Variants in NUP155 observed in about 807,000 individuals in gnomAD.
NUP155 encodes nuclear pore complex protein Nup155.
NUP155 carries 71 observed loss-of-function variants against 180.4 expected under a neutral mutation model. The observed-to-expected ratio is 0.39, with a 90% CI of 0.33 to 0.48. The LOEUF is 0.48. Among genes scored for constraint, NUP155 ranks in the 20% least tolerant of loss-of-function variants. The pLI is 0.91. For synonymous variants in NUP155, 582 were observed against 559.5 expected, an observed-to-expected ratio of 1.04 and a Z score of -0.57; for missense variants, 1,553 against 1,648.9, an observed-to-expected ratio of 0.94 and a Z score of 1.01.
chr5:37,356,780 T>C (rs1260090396), intron 4 of NUP155, among the ~76,000 whole-genome samples: 1 of 152,134 alleles, frequency 6.6e-6, no homozygotes, highest in Non-Finnish European at 1.5e-5. Flanking sequence ...GTTTCTAAGA[T>C]TTACTCTAAA....
At chr5:37,346,856 T>C (rs1414255212) in intron 9 of NUP155, among the ~76,000 whole-genome samples, 1 of 152,216 alleles carries the variant, frequency 6.6e-6, no homozygotes, top group African/African-American at 2.4e-5. Context: ...AAATGGGTAC[T>C]ACAACTTTGA....
At chr5:37,316,761 A>G (rs1388295529) in intron 21 of NUP155, among the ~76,000 whole-genome samples, 2 of 151,484 alleles carry the variant, frequency 1.3e-5, no homozygotes, top group Admixed American at 6.6e-5. Context: ...CACTGCGCCC[A>G]GCCCAGAGTG....
chr5:37,307,197 CAAA>C (rs34995492), intron 25 of NUP155, 97 bp downstream of exon 25: 861 of 937,902 alleles, frequency 9.2e-4, no homozygotes, highest in Non-Finnish European at 1.0e-3. Context: ...GACTCTGTCT[CAAA>C]AAAAAAAAAA....
At chr5:37,312,759 G>A (rs1350513853) in intron 22 of NUP155, among the ~76,000 whole-genome samples, 1 of 152,174 alleles carries the variant, frequency 6.6e-6, no homozygotes, top group Admixed American at 6.5e-5. Flanking sequence ...AGTCCAGAGA[G>A]GTCAAGGGTG....
chr5:37,354,072 C>T (rs1746647363), intron 4 of NUP155, among the ~76,000 whole-genome samples: 2 of 152,266 alleles, frequency 1.3e-5, no homozygotes, highest in South Asian at 4.1e-4. Context: ...AAGATTACAA[C>T]CTTGATAATA....
Position 37,292,030 on chromosome 5 carries a change from A to C in NUP155, c.4046T>G (p.Phe1349Cys), listed in dbSNP as rs749708102. ...AACAGCATCCAGGCAGAGATTTGTAAATCTTCTCCTACAACGAAAAAGACA... is the reference window on the plus strand; with the variant it reads ...AACAGCATCCAGGCAGAGATTTGTACATCTTCTCCTACAACGAAAAAGACA... ...SQVLNCERRR[F>C]TNLCLDAVCG... The change falls in exon 35 of 35, where the codon TTT (phenylalanine) becomes TGT (cysteine). Residue 1349 changes from phenylalanine (F) to cysteine (C), a missense_variant. Coordinates refer to ENST00000231498, the MANE Select transcript of NUP155 (RefSeq NM_153485.3). 14 of 1,614,016 alleles carry C rather than the reference A, an allele frequency of 8.7e-6. No individual in the cohort carries two copies. The Admixed American group carries it at 2.3e-4, about 27-fold the overall frequency.
intron 29 of NUP155, 137 bp from the exon 30 acceptor site, chr5:37,301,687 T>C (rs1051985544): frequency 2.0e-5 from 14 of 684,386 alleles, no homozygotes; most frequent in African/African-American, 2.0e-4. Flanking sequence ...AATAGGCTAA[T>C]ATTATCATAA....
chr5:37,362,825 G>A lies in NUP155; in HGVS notation c.392+1063C>T, dbSNP rs548599418. Among the ~76,000 whole-genome samples the A allele has an allele frequency of 7.2e-5, 11 of 152,236 alleles. No individual in the cohort carries two copies. The South Asian group carries it at 2.1e-3, about 29-fold the overall frequency. On this transcript the variant is annotated intron_variant, in intron 3 of 34. Transcript: ENST00000231498. ...ACATTTCAACATGAAAAATTGCTAC[G>A]AAACTTCTAGTAGAAAAAAATGGTT...
chr5:37,301,693 C>A, intron 29 of NUP155, 143 bp from the exon 30 acceptor site: 1 of 674,608 alleles, frequency 1.5e-6, no homozygotes. Flanking sequence ...CTAATATTAT[C>A]ATAACAGACA....
chr5:37,324,015 T>C lies in NUP155; in HGVS notation c.2184A>G (p.Ala728=). 1.2e-6 allele frequency: 2 copies of C among 1,611,306 alleles called. No individual in the cohort carries two copies. The highest frequency in any genetic ancestry group is 1.7e-6 in the Non-Finnish European group (2 of 1,177,432). ...ACTTTGGATTTCCTAATGGTCCTCC[T>C]GCAAACTGGGAGTTTCTGTCTAGAA... ...QEFLDRNSQF[A]GGPLGNPNTT... is the part of the protein sequence containing the mutation. Residue 728 remains alanine, a synonymous_variant, in exon 20 of 35, where the codon GCA becomes GCG. Transcript: ENST00000231498.
rs1158370572 is a variant in NUP155 at position 37,301,557 on chromosome 5, T to TG, written c.3448-8dup. ...GAAGTTGGATCCTAGCAACCTAGTT[T>TG]GGGCAGAAAACAGGATGTCTTAATT... On this transcript the variant is annotated splice_polypyrimidine_tract_variant and splice_region_variant and intron_variant, in intron 29 of 34. Coordinates refer to ENST00000231498, the MANE Select transcript of NUP155 (RefSeq NM_153485.3). The TG allele has an allele frequency of 6.5e-7, 1 of 1,537,964 alleles. No individual in the cohort carries two copies. Among genetic ancestry groups the TG allele is most frequent in the Admixed American group, 1.7e-5 (1 of 59,914 alleles).
intron 19 of NUP155, among the ~76,000 whole-genome samples, chr5:37,324,392 A>C (rs1471278945): frequency 1.3e-5 from 2 of 152,164 alleles, no homozygotes; most frequent in African/African-American, 4.8e-5. Flanking sequence ...CCAACACCAA[A>C]GAAAGTTTCC....
At chr5:37,359,594 G>A (rs1335835154) in intron 3 of NUP155, among the ~76,000 whole-genome samples, 3 of 152,136 alleles carry the variant, frequency 2.0e-5, no homozygotes, top group African/African-American at 7.2e-5. Flanking sequence ...CTATACCTTA[G>A]CCAAGGAAAA....
At chr5:37,293,463 G>C (rs1742339485) in intron 33 of NUP155, among the ~76,000 whole-genome samples, 1 of 152,170 alleles carries the variant, frequency 6.6e-6, no homozygotes. Flanking sequence ...ATATAAGATG[G>C]AGATACTACA....
At chr5:37,356,144 G>A (rs1323585675) in intron 4 of NUP155, among the ~76,000 whole-genome samples, 1 of 149,684 alleles carries the variant, frequency 6.7e-6, no homozygotes, top group Non-Finnish European at 1.5e-5. Context: ...CAGGAGAATC[G>A]CTTGAACCCA....
rs1181557134 is a variant in NUP155 at position 37,305,254 on chromosome 5, A to G, written c.2904-44T>C. ...GGAACAATTACATTATTTAACTAGA[A>G]AGCAAATGATGGTAAGTGTGGTGAC... On this transcript the variant is annotated intron_variant, in intron 25 of 34. Coordinates refer to ENST00000231498, the MANE Select transcript of NUP155 (RefSeq NM_153485.3). The G allele has an allele frequency of 1.1e-5, 17 of 1,546,816 alleles. No individual in the cohort carries two copies. In the South Asian group the frequency reaches 1.8e-4, roughly 16 times the overall value.
intron 1 of NUP155, among the ~76,000 whole-genome samples, chr5:37,365,264 T>TAAAC (rs892212127): frequency 6.6e-6 from 1 of 150,898 alleles, no homozygotes; most frequent in Non-Finnish European, 1.5e-5. Flanking sequence ...GTCTCAAAAA[T>TAAAC]AAATAAATAA....
chr5:37,367,262 G>A (rs990461504), intron 1 of NUP155, among the ~76,000 whole-genome samples: 1 of 150,634 alleles, frequency 6.6e-6, no homozygotes, highest in Admixed American at 6.6e-5. Context: ...TCGCTCTGTC[G>A]CCCAGGCTGT....
At chr5:37,313,228 C>T (rs927431408) in intron 22 of NUP155, among the ~76,000 whole-genome samples, 14 of 151,486 alleles carry the variant, frequency 9.2e-5, no homozygotes, top group Admixed American at 5.3e-4. Context: ...CTCAGGAGTT[C>T]GAGATCACCC....
Sources: gnomAD v4.1 joint callset for allele counts (sites outside exome capture counted in the v4.1 genomes callset) on GRCh38, gnomAD v4.1.1 for gene constraint, MANE v1.5 for transcripts, NCBI Gene and HGNC (gene_info 2026-07-23, HGNC 2026-07-21) for gene names.